The following ZYG11B variants were observed in gnomAD, a reference collection of about 807,000 sequenced individuals.
ZYG11B encodes the protein zyg-11 family member B, cell cycle regulator, also known as protein zyg-11 homolog B.
ZYG11B carries 36 observed loss-of-function variants against 82.4 expected under a neutral mutation model. The ratio of observed to expected loss-of-function variants is 0.44; its 90% CI spans 0.33 to 0.58. The LOEUF (loss-of-function observed/expected upper bound fraction) is 0.58. Ranked by LOEUF, ZYG11B falls within the 20% of genes least tolerant of loss-of-function variation. The pLI is 0.02. For synonymous variants in ZYG11B, 303 were observed against 312.8 expected (o/e 0.97, Z 0.33); for missense variants, 552 against 895.6 (o/e 0.62, Z 4.90).
intron 10 of ZYG11B, among the ~76,000 whole-genome samples, chr1:52,807,636 C>T (rs902879173): frequency 1.9e-4 from 29 of 151,690 alleles, no homozygotes; most frequent in Non-Finnish European, 3.5e-4. Flanking sequence ...GAATTATAGG[C>T]GCACACTACC....
chr1:52,741,298 C>CAAAAAAAAAAAAAAAAAAAAAAAAAAA (rs770092920), intron 1 of ZYG11B, among the ~76,000 whole-genome samples: 1 of 72,222 alleles, frequency 1.4e-5, no homozygotes, highest in East Asian at 5.2e-4. Context: ...GACTTCGTCT[C>CAAAAAAAAAAAAAAAAAAAAAAAAAAA]AAAAAAAAAA....
chr1:52,807,939 A>C (rs940041194), intron 10 of ZYG11B, among the ~76,000 whole-genome samples: 1 of 152,214 alleles, frequency 6.6e-6, no homozygotes, highest in African/African-American at 2.4e-5. Flanking sequence ...TATAATTCTA[A>C]ATTGACATTG....
chr1:52,735,624 C>T (rs985675885), intron 1 of ZYG11B, among the ~76,000 whole-genome samples: 2 of 152,094 alleles, frequency 1.3e-5, no homozygotes, highest in African/African-American at 2.4e-5. Context: ...GCAGCCTCCG[C>T]CTCCCGAGTT....
rs767700961 is a variant in ZYG11B, at chr1:52,756,592, T to C, written c.165T>C (p.Ala55=). 1 of 1,613,896 alleles carries C rather than the reference T, an allele frequency of 6.2e-7. No individual in the cohort carries two copies. Among genetic ancestry groups the C allele is most frequent in the Non-Finnish European group, 8.5e-7 (1 of 1,179,872 alleles). ...CTGGAGTATTCCCACAGGAGGTGGC[T>C]GATCGACTGCTTCGGACCATGGCTT... is the stretch of plus-strand genomic sequence containing the variant. ...QEPGVFPQEV[A]DRLLRTMAFH... is the part of the protein sequence containing the mutation. The change falls in exon 2 of 14, where the codon GCT becomes GCC. Residue 55 remains alanine, a synonymous_variant. Transcript: ENST00000294353.
chr1:52,776,229 A>AAAAAAAAAAAAAAAAAAATATATAT, intron 3 of ZYG11B, among the ~76,000 whole-genome samples: 8 of 23,528 alleles, frequency 3.4e-4, no homozygotes, highest in African/African-American at 7.6e-4. Flanking sequence ...TAAAAAAAAA[A>AAAAAAAAAAAAAAAAAAATATATAT]ATATATATAT....
chr1:52,738,612 T>G (rs954569023), intron 1 of ZYG11B, among the ~76,000 whole-genome samples: 2 of 151,872 alleles, frequency 1.3e-5, no homozygotes, highest in African/African-American at 4.8e-5. Context: ...AGGACTTTTT[T>G]TTTTTTTTGA....
intron 1 of ZYG11B, among the ~76,000 whole-genome samples, chr1:52,742,536 T>G (rs1356851803): frequency 5.3e-5 from 8 of 152,062 alleles, no homozygotes; most frequent in African/African-American, 1.9e-4. Flanking sequence ...TGTTTATGTT[T>G]TGTTACTTCA....
chr1:52,785,401 G>T (rs1305258257), intron 5 of ZYG11B, among the ~76,000 whole-genome samples: 5 of 152,124 alleles, frequency 3.3e-5, no homozygotes, highest in Admixed American at 1.3e-4. Context: ...TCCATTTCTA[G>T]CAGTATGGTA....
intron 10 of ZYG11B, among the ~76,000 whole-genome samples, chr1:52,805,836 CAAAAA>C (rs935147867): frequency 6.6e-6 from 1 of 151,224 alleles, no homozygotes; most frequent in Admixed American, 6.6e-5. Context: ...TCTCAGAAAA[CAAAAA>C]CAAAACAAAA....
chr1:52,757,163 T>C (rs1290314345), intron 2 of ZYG11B, among the ~76,000 whole-genome samples: 2 of 151,900 alleles, frequency 1.3e-5, no homozygotes, highest in East Asian at 3.9e-4. Flanking sequence ...GCTGGGACTA[T>C]AGCTTGGCTA....
Position 52,771,027 on chromosome 1 carries a change from G to T in ZYG11B, c.204G>T (p.Leu68Phe), listed in dbSNP as rs1304899363. Residue 68 changes from leucine to phenylalanine, a missense_variant, in exon 3 of 14, where the codon TTG becomes TTT. This residue lies in a region of ZYG11B where 359 missense variants were observed against 555.8 expected (regional missense o/e 0.65). Transcript: ENST00000294353. The surrounding 1 kb of genome is among the most constrained non-coding windows in gnomAD (Gnocchi z 5.4). ...LLRTMAFHGL[L>F]NDGTVGIFRG... Reference sequence around the variant, plus strand: ...CTGCTTGTTTTTCCACAGGTCTATTGAATGATGGAACTGTGGGTATTTTTA... The same window carrying T: ...CTGCTTGTTTTTCCACAGGTCTATTTAATGATGGAACTGTGGGTATTTTTA... 1 of 1,609,990 alleles carries T rather than the reference G, an allele frequency of 6.2e-7. No individual in the cohort carries two copies.
intron 1 of ZYG11B, among the ~76,000 whole-genome samples, chr1:52,732,997 C>T (rs527269591): frequency 7.9e-5 from 12 of 152,066 alleles, no homozygotes; most frequent in Non-Finnish European, 1.6e-4. Flanking sequence ...AATTATTAAC[C>T]CAACATAGGA....
rs894573355 is a variant in ZYG11B at position 52,817,513 on chromosome 1, G to A, written c.2044+884G>A. Among the ~76,000 whole-genome samples the A allele has an allele frequency of 8.6e-5, 13 of 151,164 alleles. No individual in the cohort carries two copies. In the East Asian group the frequency reaches 2.0e-3, roughly 23 times the overall value. Reference sequence around the variant, plus strand: ...TCAGATGATCCTCCTGCCTCAGCTTGTAGCTAGGACTACAAGTGCACGTCA... The same window carrying A: ...TCAGATGATCCTCCTGCCTCAGCTTATAGCTAGGACTACAAGTGCACGTCA... On this transcript the variant is annotated intron_variant, in intron 13 of 13. Coordinates refer to ENST00000294353, the MANE Select transcript of ZYG11B (RefSeq NM_024646.3).
intron 1 of ZYG11B, among the ~76,000 whole-genome samples, chr1:52,751,822 AAAC>A (rs1233403539): frequency 3.3e-5 from 5 of 152,100 alleles, no homozygotes; most frequent in South Asian, 2.1e-4. Flanking sequence ...GTGATAGGAA[AAAC>A]AACATTTTTT....
At chr1:52,820,058 C>T (rs982402573) in intron 13 of ZYG11B, among the ~76,000 whole-genome samples, 1 of 150,916 alleles carries the variant, frequency 6.6e-6, no homozygotes, top group Non-Finnish European at 1.5e-5. Flanking sequence ...GGACTATAGG[C>T]GCCTGCCACC....
At chr1:52,755,854 C>T (rs1458376244) in intron 1 of ZYG11B, among the ~76,000 whole-genome samples, 1 of 152,160 alleles carries the variant, frequency 6.6e-6, no homozygotes, top group Non-Finnish European at 1.5e-5. Context: ...GGCTGGAGTT[C>T]AGTGGCATAA....
chr1:52,803,790 A>T (rs1176659808), intron 10 of ZYG11B, among the ~76,000 whole-genome samples: 1 of 151,962 alleles, frequency 6.6e-6, no homozygotes, highest in Non-Finnish European at 1.5e-5. Flanking sequence ...ATTTTTGTAG[A>T]TTTGCAGTCT....
At chr1:52,782,931 C>CT (rs33945214) in intron 4 of ZYG11B, among the ~76,000 whole-genome samples, 15,347 of 143,034 alleles carry the variant, frequency 0.11, 1,873 homozygotes, top group East Asian at 0.35. Context: ...TAGGCAATTC[C>CT]TTTTTTTTTT....
rs145099806 is a variant in ZYG11B at position 52,756,466 on chromosome 1, G to A, written c.39G>A (p.Ala13=). 3.7e-5 allele frequency: 59 copies of A among 1,609,300 alleles called. No homozygotes were observed. The highest frequency in any genetic ancestry group is 1.9e-4 in the African/African-American group (14 of 74,744). ...TTTCCCTGGGCTCCAAGGAGGAGGC[G>A]TCTCCCTATTCCTTACTTGATATCT... is the stretch of plus-strand genomic sequence containing the variant. ...EDQAGAAMEE[A]SPYSLLDICL... Residue 13 remains alanine (A), a synonymous_variant, in exon 2 of 14, where the codon GCG becomes GCA. Transcript: ENST00000294353.
Sources: gnomAD v4.1 joint callset for allele counts (sites outside exome capture counted in the v4.1 genomes callset) on GRCh38, gnomAD v4.1.1 for gene constraint, gnomAD v4.1.1 regional missense constraint, Gnocchi (gnomAD v3.1) non-coding constraint, MANE v1.5 for transcripts, NCBI Gene and HGNC (gene_info 2026-07-23, HGNC 2026-07-21) for gene names.